CALN1: variants seen among roughly 807,000 people sequenced by gnomAD.
The protein encoded by CALN1 is calneuron 1.
A neutral mutation model predicts 30.6 loss-of-function variants in CALN1; 17 were observed. The ratio of observed to expected loss-of-function variants is 0.56; its 90% confidence interval spans 0.38 to 0.83. CALN1 has a LOEUF of 0.83. Among genes scored for constraint, CALN1 ranks in the 40% least tolerant of loss-of-function variants. CALN1 has a pLI of 0.00. For synonymous variants in CALN1, 156 were observed against 131.4 expected (o/e 1.19, Z -1.28); for missense variants, 291 against 354.9 (o/e 0.82, Z 1.45).
chr7:71,851,643 T>C (rs746294573), intron 5 of CALN1, among the ~76,000 whole-genome samples: 13 of 151,872 alleles, frequency 8.6e-5, no homozygotes, highest in African/African-American at 2.7e-4. Context: ...CTTTGGATAA[T>C]TGCCCATAGG....
chr7:72,178,500 G>A (rs567027853), intron 3 of CALN1, among the ~76,000 whole-genome samples: 1 of 152,252 alleles, frequency 6.6e-6, no homozygotes, highest in Admixed American at 6.5e-5. Flanking sequence ...AGACCAGCCT[G>A]ACCAACATGG....
intron 5 of CALN1, among the ~76,000 whole-genome samples, chr7:71,849,520 C>T (rs1790517615): frequency 6.7e-6 from 1 of 149,720 alleles, no homozygotes; most frequent in East Asian, 2.0e-4. Flanking sequence ...TATTAGTAAT[C>T]AGGGAAATGC....
chr7:71,882,764 G>C (rs1426141197), intron 5 of CALN1, among the ~76,000 whole-genome samples: 1 of 151,274 alleles, frequency 6.6e-6, no homozygotes, highest in Non-Finnish European at 1.5e-5. Context: ...GCTCACTTCA[G>C]CCTCCAACTC....
intron 5 of CALN1, among the ~76,000 whole-genome samples, chr7:71,868,918 T>C (rs980326221): frequency 1.6e-4 from 25 of 152,290 alleles, no homozygotes; most frequent in African/African-American, 4.3e-4. Flanking sequence ...CCTGTTGAAA[T>C]ATACGCTGAC....
chr7:72,404,523 G>GC (rs1378294496), intron 1 of CALN1, among the ~76,000 whole-genome samples: 2 of 152,206 alleles, frequency 1.3e-5, no homozygotes, highest in Non-Finnish European at 1.5e-5. Flanking sequence ...ATGGATCAGG[G>GC]CCCCATCTGA....
rs1024710586 is a variant in CALN1 at position 71,781,043 on chromosome 7, T to C, written c.*6732A>G. The stretch of plus-strand genomic sequence containing the variant: ...ACAGCGGACACCAAAAGAGAGACTT[T>C]ATCACAACTGCCTCTTGGGACTTGT... On this transcript the variant is annotated 3_prime_UTR_variant, in exon 7 of 7. Coordinates refer to ENST00000395275, the MANE Select transcript of CALN1 (RefSeq NM_031468.4). 6.6e-6 allele frequency: 1 copy of C among 152,238 alleles called. No homozygotes were observed. The highest frequency in any genetic ancestry group is 2.4e-5 in the African/African-American group (1 of 41,456). 9.4% of individuals were successfully genotyped at this position (152,238 alleles called of 1,614,324 possible). A position where few individuals can be genotyped will look rare whatever the true frequency, so the allele number is the denominator to read the frequency against.
chr7:71,904,070 A>G (rs1232162574), intron 5 of CALN1, among the ~76,000 whole-genome samples: 7 of 152,112 alleles, frequency 4.6e-5, no homozygotes, highest in African/African-American at 1.7e-4. Flanking sequence ...GAAGATGGGG[A>G]AAAAAAGGAA....
At chr7:72,350,280 GTA>G (rs1802851482) in intron 2 of CALN1, among the ~76,000 whole-genome samples, 1 of 152,126 alleles carries the variant, frequency 6.6e-6, no homozygotes, top group Non-Finnish European at 1.5e-5. Context: ...AATCCACTGG[GTA>G]TATACCCAAA....
intron 2 of CALN1, among the ~76,000 whole-genome samples, chr7:72,329,460 C>T (rs1801512353): frequency 6.6e-6 from 1 of 152,162 alleles, no homozygotes; most frequent in Non-Finnish European, 1.5e-5. Context: ...CAGGGTGACC[C>T]TATATGAGCT....
chr7:72,043,721 G>A (rs1162526382), intron 4 of CALN1, among the ~76,000 whole-genome samples: 1 of 152,166 alleles, frequency 6.6e-6, no homozygotes, highest in African/African-American at 2.4e-5. Context: ...CAGTTGTCCG[G>A]TCTAGACAAC....
At position 72,224,454 on chromosome 7, in the gene CALN1, G is replaced by A. The variant is rs540874392; in HGVS notation, c.244+54232C>T. ...TTACTCATGTTCAGAATTAAAACCC[G>A]TGAACTAAAGGAAGACCCAGCCGTG... On this transcript the variant is annotated intron_variant, in intron 3 of 6. Transcript: ENST00000395275. 4.6e-5 allele frequency among the ~76,000 whole-genome samples: 7 copies of A among 152,248 alleles called. No individual in the cohort carries two copies. In the South Asian group the frequency reaches 8.3e-4, roughly 18 times the overall value.
At chr7:71,810,823 T>C (rs892689674) in intron 5 of CALN1, among the ~76,000 whole-genome samples, 1 of 152,106 alleles carries the variant, frequency 6.6e-6, no homozygotes, top group Non-Finnish European at 1.5e-5. Context: ...ACCCTTTATA[T>C]AATGCATACG....
intron 4 of CALN1, among the ~76,000 whole-genome samples, chr7:72,094,649 G>T (rs2129540098): frequency 6.6e-6 from 1 of 152,282 alleles, no homozygotes; most frequent in East Asian, 1.9e-4. Flanking sequence ...CACGGTCAGT[G>T]TTAATAAGAT....
rs1179673282 is a variant in CALN1 at position 72,296,717 on chromosome 7, A to G, written c.120-17907T>C. ...TGGGATCGGTGGTGATATCCCCTTT[A>G]TCATTTTTTATTGTGTCTATTTGAT... On this transcript the variant is annotated intron_variant, in intron 2 of 6. Coordinates refer to ENST00000395275, the MANE Select transcript of CALN1 (RefSeq NM_031468.4). 4.1e-5 allele frequency among the ~76,000 whole-genome samples: 6 copies of G among 147,914 alleles called. No individual in the cohort carries two copies. In the East Asian group the frequency reaches 1.2e-3, roughly 30 times the overall value.
At chr7:72,087,764 A>T (rs1314573733) in intron 4 of CALN1, among the ~76,000 whole-genome samples, 1 of 152,216 alleles carries the variant, frequency 6.6e-6, no homozygotes, top group Non-Finnish European at 1.5e-5. Context: ...CCCAGGATCT[A>T]AGCTGTGGAT....
intron 1 of CALN1, among the ~76,000 whole-genome samples, chr7:72,445,057 A>AACACACACACACAC (rs4029789): frequency 6.5e-5 from 9 of 138,852 alleles, no homozygotes; most frequent in Non-Finnish European, 1.1e-4. Context: ...CAGTGAATTA[A>AACACACACACACAC]ACACACACAC....
chr7:72,000,253 A>C (rs966047100), intron 5 of CALN1, among the ~76,000 whole-genome samples: 9 of 152,160 alleles, frequency 5.9e-5, no homozygotes, highest in Admixed American at 1.3e-4. Context: ...ATTTTTCAAA[A>C]AAAAAGAATA....
chr7:72,247,227 C>T (rs563558563), intron 3 of CALN1, among the ~76,000 whole-genome samples: 1,138 of 77,628 alleles, frequency 0.015, 22 homozygotes, highest in African/African-American at 0.058. Flanking sequence ...CATTTTCTTT[C>T]TTTTTTTTTT....
At chr7:72,153,712 G>A (rs535656876) in intron 3 of CALN1, among the ~76,000 whole-genome samples, 4 of 151,898 alleles carry the variant, frequency 2.6e-5, no homozygotes, top group Admixed American at 6.6e-5. Context: ...GAAAAAGAAA[G>A]TTGTTAGAAA....
Sources: gnomAD v4.1 joint callset for allele counts (sites outside exome capture counted in the v4.1 genomes callset) on GRCh38, gnomAD v4.1.1 for gene constraint, MANE v1.5 for transcripts, NCBI Gene and HGNC (gene_info 2026-07-23, HGNC 2026-07-21) for gene names.